DIP2C: variants seen among roughly 807,000 people sequenced by gnomAD.
DIP2C encodes DIP2 acetate--CoA ligase C (putative).
DIP2C carries 33 observed loss-of-function variants against 192.4 expected under a neutral mutation model. That is an observed-to-expected ratio of 0.17 (90% CI 0.13 to 0.23). DIP2C has a LOEUF of 0.23. Ranked by LOEUF, DIP2C falls within the 10% of genes least tolerant of loss-of-function variation. The pLI is 1.00. For missense variants in DIP2C, 1,537 were observed against 2,110.1 expected (o/e 0.73, Z 5.32); for synonymous variants, 979 against 864.1 (o/e 1.13, Z -2.33).
Position 496,462 on chromosome 10 carries a change from C to A in DIP2C, c.86-9932G>T, listed in dbSNP as rs375250312. ...TGTACATTACTCGCAATACCCCAAA[C>A]AATGTGAGTGCTGAGTGCACAGAAC... On this transcript the variant is annotated intron_variant, in intron 1 of 36. Coordinates refer to ENST00000280886, the MANE Select transcript of DIP2C (RefSeq NM_014974.3). Among the ~76,000 whole-genome samples the A allele has an allele frequency of 5.7e-4, 85 of 149,936 alleles. 1 individual carries two copies. In the East Asian group the frequency reaches 8.9e-3, roughly 16 times the overall value.
chr10:579,624 C>T (rs942178624), intron 1 of DIP2C, among the ~76,000 whole-genome samples: 8 of 151,980 alleles, frequency 5.3e-5, no homozygotes, highest in African/African-American at 1.7e-4. Flanking sequence ...AACATGTGCA[C>T]TGTAACATGT....
At chr10:411,409 G>C (rs1202114809) in intron 8 of DIP2C, among the ~76,000 whole-genome samples, 1 of 152,136 alleles carries the variant, frequency 6.6e-6, no homozygotes, top group African/African-American at 2.4e-5. Flanking sequence ...AAAACAGAAT[G>C]ATGTTTTACA....
intron 32 of DIP2C, among the ~76,000 whole-genome samples, chr10:291,502 A>C (rs1955497116): frequency 6.6e-6 from 1 of 152,238 alleles, no homozygotes; most frequent in Admixed American, 6.5e-5. Flanking sequence ...TAAGGGCAGA[A>C]GAGATGTCTT....
chr10:676,472 G>T (rs1439154161), intron 1 of DIP2C, among the ~76,000 whole-genome samples: 1 of 150,596 alleles, frequency 6.6e-6, no homozygotes, highest in Non-Finnish European at 1.5e-5. Flanking sequence ...AGCTCTAATT[G>T]TCTGTTTTCA....
At chr10:679,618 C>T (rs1278699459) in intron 1 of DIP2C, among the ~76,000 whole-genome samples, 1 of 147,266 alleles carries the variant, frequency 6.8e-6, no homozygotes, top group Non-Finnish European at 1.5e-5. Context: ...CCCATCTGTG[C>T]TCCCTATGCC....
intron 31 of DIP2C, among the ~76,000 whole-genome samples, chr10:320,800 C>G (rs1307086118): frequency 6.6e-6 from 1 of 152,146 alleles, no homozygotes; most frequent in African/African-American, 2.4e-5. Flanking sequence ...TGTAAAACAG[C>G]TACTCACAGA....
At chr10:557,708 G>A (rs1271847366) in intron 1 of DIP2C, among the ~76,000 whole-genome samples, 2 of 50,318 alleles carry the variant, frequency 4.0e-5, no homozygotes, top group African/African-American at 2.3e-4. Flanking sequence ...GGGCGGGGGA[G>A]GGGATGGGCA....
intron 26 of DIP2C, among the ~76,000 whole-genome samples, chr10:345,566 CCCA>C (rs1245354168): frequency 2.8e-4 from 39 of 139,224 alleles, no homozygotes; most frequent in African/African-American, 1.0e-3. Flanking sequence ...CCCCCACACC[CCCA>C]ACCCAGACAC....
chr10:548,553 A>AGAGGTGATGTGGCCGGGAGG (rs1439113734), intron 1 of DIP2C, among the ~76,000 whole-genome samples: 2 of 141,160 alleles, frequency 1.4e-5, no homozygotes, highest in Non-Finnish European at 3.0e-5. Context: ...CAGCGAGGAC[A>AGAGGTGATGTGGCCGGGAGG]GAGGTGATGT....
chr10:277,621 CTTTA>C (rs1280767470), intron 36 of DIP2C, 44 bp from the exon 37 acceptor site: 11 of 1,602,502 alleles, frequency 6.9e-6, no homozygotes, highest in South Asian at 1.1e-5. Flanking sequence ...TTTATTAATG[CTTTA>C]TTTAATAGCC....
At chr10:603,613 G>A (rs568354152) in intron 1 of DIP2C, among the ~76,000 whole-genome samples, 2 of 152,270 alleles carry the variant, frequency 1.3e-5, no homozygotes, top group Admixed American at 6.5e-5. Context: ...TATCTGTTCT[G>A]CCATCGTTTG....
chr10:580,316 T>TGTG (rs1850538282), intron 1 of DIP2C, among the ~76,000 whole-genome samples: 1 of 152,186 alleles, frequency 6.6e-6, no homozygotes, highest in East Asian at 1.9e-4. Context: ...TGTGCACATA[T>TGTG]CCACAAGTTT....
At chr10:634,957 G>C (rs1854747409) in intron 1 of DIP2C, among the ~76,000 whole-genome samples, 1 of 152,108 alleles carries the variant, frequency 6.6e-6, no homozygotes, top group African/African-American at 2.4e-5. Context: ...AGAAGACTGA[G>C]AGGAATAACC....
At chr10:517,027 G>C (rs1042077427) in intron 1 of DIP2C, among the ~76,000 whole-genome samples, 1 of 151,846 alleles carries the variant, frequency 6.6e-6, no homozygotes, top group East Asian at 2.0e-4. Flanking sequence ...TCCTCACTGT[G>C]GGGGTTTTTA....
At chr10:307,078 T>C (rs1160523173) in intron 32 of DIP2C, among the ~76,000 whole-genome samples, 3 of 151,852 alleles carry the variant, frequency 2.0e-5, no homozygotes, top group Non-Finnish European at 2.9e-5. Flanking sequence ...ATCTCTGCAC[T>C]TGTGGCCCCT....
At chr10:415,998 A>AT in intron 6 of DIP2C, 110 bp from the exon 7 acceptor site, 2 of 1,513,980 alleles carry the variant, frequency 1.3e-6, no homozygotes, top group Non-Finnish European at 1.8e-6. Flanking sequence ...AACAGGCTGC[A>AT]TCCTAGATGC....
At chr10:386,832 CCA>C (rs1028382036) in intron 14 of DIP2C, among the ~76,000 whole-genome samples, 2 of 152,276 alleles carry the variant, frequency 1.3e-5, no homozygotes, top group East Asian at 1.9e-4. Context: ...GTGAAAATTA[CCA>C]CATATGAAAC....
chr10:583,666 T>G (rs1428202152), intron 1 of DIP2C, among the ~76,000 whole-genome samples: 1 of 152,162 alleles, frequency 6.6e-6, no homozygotes, highest in Admixed American at 6.5e-5. Flanking sequence ...CAAGCAGCTC[T>G]CAGCCAGCGC....
At chr10:572,857 C>T (rs1849912361) in intron 1 of DIP2C, among the ~76,000 whole-genome samples, 1 of 152,164 alleles carries the variant, frequency 6.6e-6, no homozygotes, top group African/African-American at 2.4e-5. Context: ...AAACTGCACT[C>T]TCCAGTAAAT....
Sources: gnomAD v4.1 joint callset for allele counts (sites outside exome capture counted in the v4.1 genomes callset) on GRCh38, gnomAD v4.1.1 for gene constraint, MANE v1.5 for transcripts, NCBI Gene and HGNC (gene_info 2026-07-23, HGNC 2026-07-21) for gene names.